The following GATA5 variants were observed in gnomAD, a reference collection of about 807,000 sequenced individuals.
GATA5 encodes the protein transcription factor GATA-5.
A neutral mutation model predicts 35.0 loss-of-function variants in GATA5; 27 were observed. The observed-to-expected ratio is 0.77, with a 90% CI of 0.57 to 1.06. The LOEUF (loss-of-function observed/expected upper bound fraction) is 1.06. Among genes scored for constraint, GATA5 ranks in the 50% least tolerant of loss-of-function variants. The pLI is 0.00. For synonymous variants in GATA5, 306 were observed against 267.8 expected (o/e 1.14, Z -1.39); for missense variants, 612 against 580.0 (o/e 1.06, Z -0.57).
In GATA5 at chr20:62,470,995, A is replaced by C. The variant is rs540956280; in HGVS notation, c.699+2408T>G. On this transcript the variant is annotated intron_variant, in intron 3 of 6. Coordinates refer to ENST00000252997, the MANE Select transcript of GATA5 (RefSeq NM_080473.5). The surrounding 1 kb of genome is among the most constrained non-coding windows in gnomAD (Gnocchi z 4.6). ...CTCAGAGCCAAGGCCCAAGCACACA[A>C]CACCAGCTAATTTAACTTTTACAGC... 3.4e-4 allele frequency among the ~76,000 whole-genome samples: 52 copies of C among 152,290 alleles called. No homozygotes were observed. The highest frequency in any genetic ancestry group is 1.2e-3 in the African/African-American group (50 of 41,548).
Position 62,475,488 on chromosome 20 carries a change from G to A in GATA5, c.34C>T (p.Arg12Cys). 7.6e-7 allele frequency: 1 copy of A among 1,321,352 alleles called. No homozygotes were observed. The highest frequency in any genetic ancestry group is 9.6e-7 in the Non-Finnish European group (1 of 1,038,124). The allele number at this position is 1,321,352 out of a possible 1,614,324, so 81.9% of individuals were successfully genotyped here. A position where few individuals can be genotyped will look rare whatever the true frequency, so the allele number is the denominator to read the frequency against. The change falls in exon 2 of 7, where the codon CGC becomes TGC. Residue 12 changes from arginine (R) to cysteine (C), a missense_variant. Coordinates refer to ENST00000252997, the MANE Select transcript of GATA5 (RefSeq NM_080473.5). ...YQSLALAASP[R>C]QAAYADSGSF... ...CCCGAGTCGGCGTAGGCGGCCTGGC[G>A]GGGGCTCGCGGCCAGCGCCAGGCTC...
In GATA5 at chr20:62,475,525, C is replaced by T. The variant is rs782570688; in HGVS notation, c.-4G>A. 10 of 1,297,104 alleles carry T rather than the reference C, an allele frequency of 7.7e-6. No individual in the cohort carries two copies. The African/African-American group carries it at 1.5e-4, about 20-fold the overall frequency. 80.3% of individuals were successfully genotyped at this position (1,297,104 alleles called of 1,614,324 possible). A position where few individuals can be genotyped will look rare whatever the true frequency, so the allele number is the denominator to read the frequency against. On this transcript the variant is annotated 5_prime_UTR_variant, in exon 2 of 7. Transcript: ENST00000252997. The stretch of plus-strand genomic sequence containing the variant: ...CCAGCGCCAGGCTCTGGTACATCCT[C>T]CCAGGCGTGGTCTTGACCTGCAGGG...
chr20:62,465,973 C>G (rs1555896061), intron 4 of GATA5, 52 bp from the exon 5 acceptor site: 2 of 1,287,500 alleles, frequency 1.6e-6, no homozygotes, highest in Admixed American at 2.0e-5. Context: ...TCACCCCGGG[C>G]CCCTTGCACA....
At chr20:62,471,499 T>G (rs1555896541) in intron 3 of GATA5, among the ~76,000 whole-genome samples, 1 of 131,994 alleles carries the variant, frequency 7.6e-6, no homozygotes, top group Admixed American at 7.9e-5. Flanking sequence ...TGGTGCCATC[T>G]CGGCTCATTG....
Position 62,464,311 on chromosome 20 carries a change from C to T in GATA5, c.*525G>A, listed in dbSNP as rs1338760235. On this transcript the variant is annotated 3_prime_UTR_variant, in exon 7 of 7. Transcript: ENST00000252997. ...CTGTTGCGGGAAAAGTTCTCTGCACCACAGCTCCGTCTATCCATGTGGGCA... is the reference window on the plus strand; with the variant it reads ...CTGTTGCGGGAAAAGTTCTCTGCACTACAGCTCCGTCTATCCATGTGGGCA... 3.9e-5 allele frequency: 6 copies of T among 152,348 alleles called. No individual in the cohort carries two copies. The highest frequency in any genetic ancestry group is 1.4e-4 in the African/African-American group (6 of 41,444). The allele number at this position is 152,348 out of a possible 1,614,324, so 9.4% of individuals were successfully genotyped here. A position where few individuals can be genotyped will look rare whatever the true frequency, so the allele number is the denominator to read the frequency against.
intron 3 of GATA5, among the ~76,000 whole-genome samples, chr20:62,471,432 A>ATTTTTTGTTTTTTTTTTTTTTTTTTTTTT (rs1989717708): frequency 1.2e-5 from 1 of 81,746 alleles, no homozygotes. Flanking sequence ...TTCAATTACA[A>ATTTTTTGTTTTTTTTTTTTTTTTTTTTTT]TTTTTTTTTT....
Position 62,473,427 on chromosome 20 carries a change from C to A in GATA5, c.675G>T (p.Pro225=), listed in dbSNP as rs144082730. Residue 225 remains proline, a synonymous_variant, in exon 3 of 7, where the codon CCG becomes CCT. Coordinates refer to ENST00000252997, the MANE Select transcript of GATA5 (RefSeq NM_080473.5). ...CCAGGCGCTTCTGAGGCCGAACGAG[C>A]GGCCGGTTGACGCCATTCATCTTGT... ...LYHKMNGVNR[P]LVRPQKRLSS... The A allele has an allele frequency of 6.2e-7, 1 of 1,609,340 alleles. No individual in the cohort carries two copies.
At position 62,475,419 on chromosome 20, in the gene GATA5, G is replaced by A. The variant is rs1555897068; in HGVS notation, c.103C>T (p.Pro35Ser). The change falls in exon 2 of 7, where the codon CCG (proline) becomes TCG (serine). Residue 35 changes from proline (P) to serine (S), a missense_variant. Transcript: ENST00000252997. ...AGCATCGAGGGGACGCGCGCCGGCG[G>A]CACAAACATCGGAGAGCCGGCGCCC... ...APGAGSPMFVPPARVPSMLSY... is the reference protein window; with the variant it reads ...APGAGSPMFVSPARVPSMLSY... 3 of 1,360,068 alleles carry A rather than the reference G, an allele frequency of 2.2e-6. No individual in the cohort carries two copies. The highest frequency in any genetic ancestry group is 1.8e-5 in the South Asian group (1 of 54,108). 84.3% of individuals were successfully genotyped at this position (1,360,068 alleles called of 1,614,324 possible).
rs34652033 is a variant in GATA5, at chr20:62,463,616, AC to A, written c.*1219del. 34,299 of 152,150 alleles carry A rather than the reference AC, an allele frequency of 0.23. 4,454 individuals are homozygous for A. The highest frequency in any genetic ancestry group is 0.35 in the East Asian group (1,816 of 5,174). The allele number at this position is 152,150 out of a possible 1,614,324, so 9.4% of individuals were successfully genotyped here. The stretch of plus-strand genomic sequence containing the variant: ...GGAGGGACAGTTTCAGAATGACCGG[AC>A]CCGCTCCTGAAGCTGATGCCAGACA... On this transcript the variant is annotated 3_prime_UTR_variant, in exon 7 of 7. Coordinates refer to ENST00000252997, the MANE Select transcript of GATA5 (RefSeq NM_080473.5).
chr20:62,465,047 G>T, intron 6 of GATA5, 56 bp from the exon 7 acceptor site: 1 of 1,026,846 alleles, frequency 9.7e-7, no homozygotes, highest in Non-Finnish European at 1.4e-6. Flanking sequence ...GTGGGGGGCT[G>T]GGGGAAGCTG....
chr20:62,464,087 C>T lies in GATA5; in HGVS notation c.*749G>A, dbSNP rs1989512552. The T allele has an allele frequency of 6.6e-6, 1 of 152,272 alleles. No homozygotes were observed. Among genetic ancestry groups the T allele is most frequent in the Non-Finnish European group, 1.5e-5 (1 of 68,072 alleles). 9.4% of individuals were successfully genotyped at this position (152,272 alleles called of 1,614,324 possible). ...AGCGCTTGGATGGGTCAGGACAGGG[C>T]TACCAGACAATTCATTCTGCCTGTC... On this transcript the variant is annotated 3_prime_UTR_variant, in exon 7 of 7. Transcript: ENST00000252997.
chr20:62,465,971 G>A, intron 4 of GATA5, 50 bp from the exon 5 acceptor site: 1 of 1,346,210 alleles, frequency 7.4e-7, no homozygotes, highest in Non-Finnish European at 1.0e-6. Context: ...GCTCACCCCG[G>A]GCCCCTTGCA....
intron 6 of GATA5, 119 bp from the exon 7 acceptor site, chr20:62,465,110 C>G: frequency 3.1e-6 from 3 of 958,224 alleles, no homozygotes; most frequent in Non-Finnish European, 4.6e-6. Flanking sequence ...TAGGGACCCC[C>G]TGATGCCCTG....
intron 3 of GATA5, among the ~76,000 whole-genome samples, chr20:62,467,358 G>A (rs1028664078): frequency 3.3e-5 from 5 of 152,192 alleles, no homozygotes; most frequent in South Asian, 2.1e-4. Context: ...CCCACTGGCC[G>A]CACAAGTTGG....
Position 62,464,744 on chromosome 20 carries a change from G to A in GATA5, c.*92C>T. The A allele has an allele frequency of 2.6e-6, 3 of 1,155,236 alleles. No individual in the cohort carries two copies. Among genetic ancestry groups the A allele is most frequent in the Non-Finnish European group, 3.6e-6 (3 of 833,886 alleles). 71.6% of individuals were successfully genotyped at this position (1,155,236 alleles called of 1,614,324 possible). ...AGTCTCTGGGTTGGGGGGCCTGCTG[G>A]TCTCTGCTGTGCTGGAGCAAAGCAG... On this transcript the variant is annotated 3_prime_UTR_variant, in exon 7 of 7. Coordinates refer to ENST00000252997, the MANE Select transcript of GATA5 (RefSeq NM_080473.5).
rs371214987 is a variant in GATA5 at position 62,466,614 on chromosome 20, G to A, written c.700-63C>T. On this transcript the variant is annotated intron_variant, in intron 3 of 6. Transcript: ENST00000252997. Reference sequence around the variant, plus strand: ...GGGTGCGCGGCTGGAGCAGGGGGACGGAAGCGAGACTCAGGTCGGCCTTGC... The same window carrying A: ...GGGTGCGCGGCTGGAGCAGGGGGACAGAAGCGAGACTCAGGTCGGCCTTGC... 1.1e-3 allele frequency: 1,702 copies of A among 1,514,452 alleles called. 20 individuals are homozygous for A. In the African/African-American group the frequency reaches 0.02, roughly 18 times the overall value. The allele number at this position is 1,514,452 out of a possible 1,614,324, so 93.8% of individuals were successfully genotyped here.
At chr20:62,473,053 G>T (rs1476217723) in intron 3 of GATA5, among the ~76,000 whole-genome samples, 5 of 152,176 alleles carry the variant, frequency 3.3e-5, no homozygotes, top group Admixed American at 6.5e-5. Flanking sequence ...GACTCGTAGG[G>T]CTGAGCTCCT....
chr20:62,466,051 T>A, intron 4 of GATA5, 130 bp from the exon 5 acceptor site: 1 of 690,576 alleles, frequency 1.4e-6, no homozygotes, highest in Non-Finnish European at 2.5e-6. Context: ...ACAGCCCTGG[T>A]GGGTCAGCTG....
At chr20:62,473,348 G>T in intron 3 of GATA5, 55 bp downstream of exon 3, 2 of 1,545,544 alleles carry the variant, frequency 1.3e-6, no homozygotes, top group Non-Finnish European at 1.8e-6. Flanking sequence ...GATTGCAAGA[G>T]GTCCCCTCGG....
Sources: allele counts gnomAD v4.1 joint callset (sites outside exome capture counted in the v4.1 genomes callset), GRCh38; gene constraint gnomAD v4.1.1; non-coding constraint Gnocchi (gnomAD v3.1); transcripts MANE v1.5; gene names NCBI Gene and HGNC (gene_info 2026-07-23, HGNC 2026-07-21).